The following FILIP1 variants were observed in gnomAD, a reference collection of about 807,000 sequenced individuals.
FILIP1 encodes filamin A interacting protein 1, also known as filamin-A-interacting protein 1.
FILIP1 carries 61 observed loss-of-function variants against 102.1 expected under a neutral mutation model. The observed-to-expected ratio is 0.60, with a 90% CI of 0.49 to 0.74. The LOEUF is 0.74. Ranked by LOEUF, FILIP1 falls within the 30% of genes least tolerant of loss-of-function variation. The probability of loss-of-function intolerance (pLI) is 0.00; values close to 1 mark genes in which losing one functional copy is unlikely to be tolerated. For synonymous variants in FILIP1, 491 were observed against 526.9 expected (o/e 0.93, Z 0.93); for missense variants, 1,314 against 1,441.2 (o/e 0.91, Z 1.43).
intron 4 of FILIP1, among the ~76,000 whole-genome samples, chr6:75,324,478 C>T (rs1021381305): frequency 2.0e-5 from 3 of 151,856 alleles, no homozygotes; most frequent in Non-Finnish European, 2.9e-5. Context: ...TGCTCAGGGA[C>T]GGGTAGAATC....
rs558514613 is a variant in FILIP1, at chr6:75,441,685, C to T, written c.-6-26707G>A. On this transcript the variant is annotated intron_variant, in intron 1 of 5. Transcript: ENST00000237172. ...CTGACGCCCCCACCTCCCTCCCTGA[C>T]GGGGCGGCTGGCCGGGCGGGGGACT... Among the ~76,000 whole-genome samples, 22 of 143,666 alleles carry T rather than the reference C, an allele frequency of 1.5e-4. No homozygotes were observed. In the South Asian group the frequency reaches 1.8e-3, roughly 12 times the overall value. The allele number at this position is 143,666 out of a possible 152,430, so 94.3% of individuals were successfully genotyped here.
chr6:75,311,105 A>G (rs1773167516), intron 5 of FILIP1, among the ~76,000 whole-genome samples: 1 of 152,210 alleles, frequency 6.6e-6, no homozygotes, highest in Non-Finnish European at 1.5e-5. Flanking sequence ...GCTCTTCTAT[A>G]ATTACATTTG....
chr6:75,403,846 C>T (rs533123898), intron 2 of FILIP1, among the ~76,000 whole-genome samples: 1 of 152,158 alleles, frequency 6.6e-6, no homozygotes, highest in Admixed American at 6.5e-5. Context: ...CAGAGAAATA[C>T]TTCAGAAAAA....
chr6:75,371,474 A>G (rs972684798), intron 2 of FILIP1, among the ~76,000 whole-genome samples: 3 of 152,258 alleles, frequency 2.0e-5, no homozygotes, highest in Non-Finnish European at 4.4e-5. Flanking sequence ...ATAGAAAAAA[A>G]TCCATAAATT....
At chr6:75,473,984 G>C (rs1439725741) in intron 1 of FILIP1, 1 of 152,124 alleles carries the variant, frequency 6.6e-6, no homozygotes. Flanking sequence ...TTTAAATAGA[G>C]TATTTCTTAT....
chr6:75,331,681 G>T (rs1774089295), intron 4 of FILIP1, among the ~76,000 whole-genome samples: 1 of 152,116 alleles, frequency 6.6e-6, no homozygotes, highest in South Asian at 2.1e-4. Context: ...GAACTGGAAA[G>T]ATCTCCTTCC....
chr6:75,467,155 C>A (rs1312308932), intron 1 of FILIP1, among the ~76,000 whole-genome samples: 1 of 152,166 alleles, frequency 6.6e-6, no homozygotes, highest in Non-Finnish European at 1.5e-5. Context: ...TCCTCTAAAT[C>A]CAACAGAACA....
chr6:75,375,764 T>A (rs13214997), intron 2 of FILIP1, among the ~76,000 whole-genome samples: 8,212 of 152,308 alleles, frequency 0.054, 303 homozygotes, highest in Non-Finnish European at 0.076. Context: ...CACATAACAT[T>A]GAATTTCTTT....
chr6:75,331,327 T>C (rs1467646646), intron 4 of FILIP1, among the ~76,000 whole-genome samples: 2 of 152,150 alleles, frequency 1.3e-5, no homozygotes, highest in Non-Finnish European at 2.9e-5. Context: ...AGGAGGCCCA[T>C]ATTTGAGATT....
intron 4 of FILIP1, among the ~76,000 whole-genome samples, chr6:75,342,890 C>A (rs1774460129): frequency 6.6e-6 from 1 of 152,218 alleles, no homozygotes; most frequent in African/African-American, 2.4e-5. Context: ...ACTAAACATA[C>A]TGGTCACCAT....
chr6:75,473,963 TA>T (rs1779404333), intron 1 of FILIP1: 1 of 152,214 alleles, frequency 6.6e-6, no homozygotes, highest in African/African-American at 2.4e-5. Context: ...AATATCTTAC[TA>T]AATTTTGAGT....
chr6:75,297,159 C>T (rs1772704432), intron 6 of FILIP1, among the ~76,000 whole-genome samples: 2 of 152,088 alleles, frequency 1.3e-5, no homozygotes, highest in Non-Finnish European at 2.9e-5. Context: ...TAGGGTTTAT[C>T]AATAACATGA....
intron 1 of FILIP1, among the ~76,000 whole-genome samples, chr6:75,429,066 A>G (rs939896210): frequency 6.7e-6 from 1 of 149,772 alleles, no homozygotes; most frequent in Non-Finnish European, 1.5e-5. Flanking sequence ...CTATGTTTGC[A>G]CTATGTTTTT....
intron 2 of FILIP1, among the ~76,000 whole-genome samples, chr6:75,365,544 G>A (rs555517470): frequency 5.3e-5 from 8 of 152,078 alleles, no homozygotes; most frequent in Middle Eastern, 6.8e-3. Context: ...ATGCCGCCTC[G>A]CCTGGCTAAT....
intron 1 of FILIP1, among the ~76,000 whole-genome samples, chr6:75,464,827 G>T (rs1460680212): frequency 6.6e-6 from 1 of 152,040 alleles, no homozygotes; most frequent in Non-Finnish European, 1.5e-5. Context: ...CCCCATTAAT[G>T]CTGACTGCAT....
intron 1 of FILIP1, among the ~76,000 whole-genome samples, chr6:75,430,335 A>C (rs916494121): frequency 9.8e-5 from 15 of 152,310 alleles, no homozygotes; most frequent in African/African-American, 3.6e-4. Context: ...AGACTAATAC[A>C]GTGGTTTTCA....
chr6:75,330,200 C>G (rs2149576679), intron 4 of FILIP1, among the ~76,000 whole-genome samples: 1 of 152,206 alleles, frequency 6.6e-6, no homozygotes, highest in Middle Eastern at 3.4e-3. Flanking sequence ...AGTTTTTTGG[C>G]ATCACCTTAA....
intron 1 of FILIP1, among the ~76,000 whole-genome samples, chr6:75,417,240 A>G (rs1173314601): frequency 6.6e-6 from 1 of 152,158 alleles, no homozygotes; most frequent in African/African-American, 2.4e-5. Context: ...GAAATTTCAC[A>G]TTAATTACTT....
intron 6 of FILIP1, among the ~76,000 whole-genome samples, chr6:75,298,462 T>G (rs12525690): frequency 0.084 from 12,771 of 152,266 alleles, 619 homozygotes; most frequent in South Asian, 0.13. Flanking sequence ...CTAGAGATAG[T>G]GAGATAAAAT....
Sources: gnomAD v4.1 joint callset for allele counts (sites outside exome capture counted in the v4.1 genomes callset) on GRCh38, gnomAD v4.1.1 for gene constraint, MANE v1.5 for transcripts, NCBI Gene and HGNC (gene_info 2026-07-23, HGNC 2026-07-21) for gene names.